The following RADIL variants were observed in gnomAD, a reference collection of about 807,000 sequenced individuals.
The protein encoded by RADIL is ras-associating and dilute domain-containing protein.
A neutral mutation model predicts 97.6 loss-of-function variants in RADIL; 99 were observed. The ratio of observed to expected loss-of-function variants is 1.01; its 90% CI spans 0.86 to 1.20. The LOEUF is 1.20. Among genes scored for constraint, RADIL ranks in the 50% most tolerant of loss-of-function variants. RADIL has a pLI of 0.00. For missense variants in RADIL, 1,765 were observed against 1,498.9 expected (o/e 1.18, Z -2.93); for synonymous variants, 803 against 691.8 (o/e 1.16, Z -2.52).
In RADIL at chr7:4,878,046, G is replaced by T; in HGVS notation, c.94C>A (p.Leu32Met). The T allele has an allele frequency of 6.2e-7, 1 of 1,606,334 alleles. No individual in the cohort carries two copies. The highest frequency in any genetic ancestry group is 8.5e-7 in the Non-Finnish European group (1 of 1,177,276). The change falls in exon 2 of 15, where the codon CTG becomes ATG. Residue 32 changes from leucine to methionine, a missense_variant. Transcript: ENST00000399583. This position sits in a 1 kb window ranked among gnomAD's most constrained non-coding sequence, Gnocchi z 4.1. ...QLLSSMLSRTLSYKYRDLDST... is the reference protein window; with the variant it reads ...QLLSSMLSRTMSYKYRDLDST... ...TCCAGGTCCCGGTACTTGTAGCTCA[G>T]CGTCCGGGACAGCATGCTGGACAAC...
chr7:4,802,665 G>T (rs1192126119), intron 11 of RADIL, among the ~76,000 whole-genome samples: 3 of 110,350 alleles, frequency 2.7e-5, no homozygotes, highest in African/African-American at 3.5e-5. Flanking sequence ...CTCTGGCTGG[G>T]GGGCCCCCTC....
intron 2 of RADIL, among the ~76,000 whole-genome samples, chr7:4,845,586 T>C (rs914990052): frequency 9.2e-5 from 14 of 152,112 alleles, no homozygotes; most frequent in East Asian, 1.9e-4. Context: ...GACAGGTGAT[T>C]TCTCCTCCTT....
intron 2 of RADIL, among the ~76,000 whole-genome samples, chr7:4,843,643 G>A (rs984539709): frequency 9.9e-5 from 15 of 152,270 alleles, no homozygotes; most frequent in Non-Finnish European, 1.8e-4. Context: ...TGGGTGCGGT[G>A]GCTCATGCCT....
chr7:4,863,727 T>C (rs1784073363), intron 2 of RADIL, among the ~76,000 whole-genome samples: 1 of 152,244 alleles, frequency 6.6e-6, no homozygotes, highest in Admixed American at 6.5e-5. Flanking sequence ...AGATTCTTCT[T>C]ACTCCATTTT....
chr7:4,806,801 C>T (rs540657880), intron 9 of RADIL, among the ~76,000 whole-genome samples: 5 of 152,366 alleles, frequency 3.3e-5, no homozygotes, highest in East Asian at 3.9e-4. Flanking sequence ...GAACTCCAGG[C>T]GGGAGGGCGT....
intron 3 of RADIL, among the ~76,000 whole-genome samples, chr7:4,836,119 T>C (rs3763385): frequency 0.079 from 11,956 of 152,264 alleles, 485 homozygotes; most frequent in East Asian, 0.11. Context: ...GCACCCACTC[T>C]GGGATTGGGG....
Position 4,879,767 on chromosome 7 carries a change from G to T in RADIL, c.-64-1564C>A, listed in dbSNP as rs565313413. Among the ~76,000 whole-genome samples, 117 of 152,288 alleles carry T rather than the reference G, an allele frequency of 7.7e-4. No individual in the cohort carries two copies. The highest frequency in any genetic ancestry group is 2.8e-3 in the African/African-American group (116 of 41,568). On this transcript the variant is annotated intron_variant, in intron 1 of 14. Transcript: ENST00000399583. This position sits in a 1 kb window ranked among gnomAD's most constrained non-coding sequence, Gnocchi z 4.1. The stretch of plus-strand genomic sequence containing the variant: ...CTGTCCCTTAGGAAACTAAACAGTG[G>T]AACCGCCCCAGCCTCCAAAGCTGAC...
At chr7:4,875,543 G>A (rs1012075578) in intron 2 of RADIL, among the ~76,000 whole-genome samples, 3 of 152,166 alleles carry the variant, frequency 2.0e-5, no homozygotes, top group East Asian at 3.9e-4. Flanking sequence ...GACACACAAC[G>A]CAATGGCCTG....
rs188834430 is a variant in RADIL at position 4,875,270 on chromosome 7, G to C, written c.535+2335C>G. 1.5e-3 allele frequency among the ~76,000 whole-genome samples: 182 copies of C among 121,000 alleles called. 9 individuals carry two copies. The highest frequency in any genetic ancestry group is 8.4e-3 in the African/African-American group (175 of 20,810). 79.4% of individuals were successfully genotyped at this position (121,000 alleles called of 152,430 possible). A position where few individuals can be genotyped will look rare whatever the true frequency, so the allele number is the denominator to read the frequency against. ...GCCGGGCGTGGTGGTGGTGCATGCC[G>C]TAATCCCAGCTATTCAGGAGGCTGA... On this transcript the variant is annotated intron_variant, in intron 2 of 14. Coordinates refer to ENST00000399583, the MANE Select transcript of RADIL (RefSeq NM_018059.5).
rs1784166652 is a variant in RADIL, at chr7:4,867,965, G to T, written c.535+9640C>A. Reference sequence around the variant, plus strand: ...TGTTCCCCATATTGGTGAGACGGCTGTCCTGCATTAGGCATTCGGTCATGG... The same window carrying T: ...TGTTCCCCATATTGGTGAGACGGCTTTCCTGCATTAGGCATTCGGTCATGG... On this transcript the variant is annotated intron_variant, in intron 2 of 14. Coordinates refer to ENST00000399583, the MANE Select transcript of RADIL (RefSeq NM_018059.5). This position sits in a 1 kb window ranked among gnomAD's most constrained non-coding sequence, Gnocchi z 4.1. Among the ~76,000 whole-genome samples, 1 of 152,222 alleles carries T rather than the reference G, an allele frequency of 6.6e-6. No individual in the cohort carries two copies. Among genetic ancestry groups the T allele is most frequent in the Admixed American group, 6.5e-5 (1 of 15,286 alleles).
rs34276261 is a variant in RADIL, at chr7:4,850,216, T to TAAAAA, written c.536-13616_536-13612dup. Among the ~76,000 whole-genome samples, 799 of 87,940 alleles carry TAAAAA rather than the reference T, an allele frequency of 9.1e-3. 22 individuals carry two copies. The highest frequency in any genetic ancestry group is 0.02 in the South Asian group (35 of 1,774). 57.7% of individuals were successfully genotyped at this position (87,940 alleles called of 152,430 possible). ...ACCCACACTACACAGACGATCCCTT[T>TAAAAA]AAAAAAAAAAAAAAAAAAAAAACCT... On this transcript the variant is annotated intron_variant, in intron 2 of 14. Transcript: ENST00000399583.
chr7:4,844,726 T>C (rs967930835), intron 2 of RADIL, among the ~76,000 whole-genome samples: 29 of 152,018 alleles, frequency 1.9e-4, no homozygotes, highest in African/African-American at 6.7e-4. Context: ...TGCCTCAGCC[T>C]CCCAAGTAGC....
chr7:4,824,303 C>A lies in RADIL; in HGVS notation c.1455-1749G>T, dbSNP rs1055294390. 1.3e-5 allele frequency among the ~76,000 whole-genome samples: 2 copies of A among 152,226 alleles called. No homozygotes were observed. Among genetic ancestry groups the A allele is most frequent in the African/African-American group, 2.4e-5 (1 of 41,460 alleles). ...ACCCCAGTCCCGGGGCAGAGCCAGG[C>A]TCAAGGCTGGACGGCCGTCAGAGTG... On this transcript the variant is annotated intron_variant, in intron 5 of 14. Coordinates refer to ENST00000399583, the MANE Select transcript of RADIL (RefSeq NM_018059.5). The surrounding 1 kb of genome is among the most constrained non-coding windows in gnomAD (Gnocchi z 6.7).
At position 4,877,708 on chromosome 7, in the gene RADIL, C is replaced by T; in HGVS notation, c.432G>A (p.Gln144=). 6.2e-7 allele frequency: 1 copy of T among 1,614,188 alleles called. No individual in the cohort carries two copies. Among genetic ancestry groups the T allele is most frequent in the Non-Finnish European group, 8.5e-7 (1 of 1,180,040 alleles). The part of the protein sequence containing the change: ...FGDSEKPLLI[Q]ELWKPREGLS... ...AACCTTCTCGGGGTTTCCATAATTC[C>T]TGGATCAAGAGGGGCTTCTCACTGT... is the stretch of plus-strand genomic sequence containing the variant. Residue 144 remains glutamine, a synonymous_variant, in exon 2 of 15, where the codon CAG becomes CAA. Coordinates refer to ENST00000399583, the MANE Select transcript of RADIL (RefSeq NM_018059.5).
intron 5 of RADIL, among the ~76,000 whole-genome samples, chr7:4,825,134 G>A (rs1174687529): frequency 6.6e-6 from 1 of 151,412 alleles, no homozygotes; most frequent in Admixed American, 6.6e-5. Context: ...AAGGGCACTC[G>A]GGGGGGGACA....
At chr7:4,801,191 C>A (rs1470158422) in intron 12 of RADIL, among the ~76,000 whole-genome samples, 13 of 152,120 alleles carry the variant, frequency 8.5e-5, no homozygotes, top group African/African-American at 3.1e-4. Flanking sequence ...GATGCACACA[C>A]CCATGCACAC....
chr7:4,869,788 T>C (rs920392120), intron 2 of RADIL, among the ~76,000 whole-genome samples: 3 of 152,120 alleles, frequency 2.0e-5, no homozygotes, highest in African/African-American at 7.2e-5. Flanking sequence ...CCCTTGCTTG[T>C]CTTGTTCAAA....
chr7:4,831,906 AAAAG>A (rs879652154), intron 5 of RADIL, among the ~76,000 whole-genome samples: 50 of 152,198 alleles, frequency 3.3e-4, no homozygotes, highest in Non-Finnish European at 5.3e-4. Context: ...AACAAACAAA[AAAAG>A]AAGACCTCAC....
rs760480287 is a variant in RADIL at position 4,805,631 on chromosome 7, G to A, written c.2225C>T (p.Ser742Leu). 2.7e-5 allele frequency: 44 copies of A among 1,611,566 alleles called. No homozygotes were observed. Among genetic ancestry groups the A allele is most frequent in the African/African-American group, 1.3e-4 (10 of 74,944 alleles). The stretch of plus-strand genomic sequence containing the variant: ...CCAGGTGCTCATGGGGCCCATGGCC[G>A]AGGCCAGCTGGTAGTGAGTCAGCAG... ...HRLLTHYQLA[S>L]AMGPMSTWEP... Residue 742 changes from serine to leucine, a missense_variant, in exon 10 of 15, where the codon TCG becomes TTG. Coordinates refer to ENST00000399583, the MANE Select transcript of RADIL (RefSeq NM_018059.5).
Sources: gnomAD v4.1 joint callset for allele counts (sites outside exome capture counted in the v4.1 genomes callset) on GRCh38, gnomAD v4.1.1 for gene constraint, Gnocchi (gnomAD v3.1) non-coding constraint, MANE v1.5 for transcripts, NCBI Gene and HGNC (gene_info 2026-07-23, HGNC 2026-07-21) for gene names.